The following ITGB4 variants were observed in gnomAD, a reference collection of about 807,000 sequenced individuals.
The protein encoded by ITGB4 is integrin beta-4.
Under a neutral mutation model 207.6 loss-of-function variants are expected in ITGB4, and 159 were observed. That is an observed-to-expected ratio of 0.77 (90% confidence interval 0.67 to 0.87). The LOEUF is 0.87. Ranked by LOEUF, ITGB4 falls within the 40% of genes least tolerant of loss-of-function variation. The pLI is 0.00. For synonymous variants in ITGB4, 1,020 were observed against 1,062.7 expected, an observed-to-expected ratio of 0.96 and a Z score of 0.78; for missense variants, 2,278 against 2,546.8, an observed-to-expected ratio of 0.89 and a Z score of 2.27.
intron 27 of ITGB4, 150 bp from the exon 28 acceptor site, chr17:75,749,960 TG>T: frequency 1.0e-6 from 1 of 961,262 alleles, no homozygotes; most frequent in Non-Finnish European, 1.7e-6. Flanking sequence ...GTGGCAGCAA[TG>T]GGGCACCACC....
Position 75,722,757 on chromosome 17 carries a change from C to CTG in ITGB4, c.-11+1179_-11+1180dup, listed in dbSNP as rs55981241. ...GAGCCTGTGGGTGGGTGGGCATGGC[C>CTG]TGTGTGTGTGTGTGTGTGTGTGTGT... On this transcript the variant is annotated intron_variant, in intron 1 of 39. Transcript: ENST00000200181. This position sits in a 1 kb window ranked among gnomAD's most constrained non-coding sequence, Gnocchi z 6.2. Among the ~76,000 whole-genome samples the CTG allele has an allele frequency of 0.038, 5,094 of 134,706 alleles. 103 individuals are homozygous for CTG. Among genetic ancestry groups the CTG allele is most frequent in the Middle Eastern group, 0.049 (13 of 264 alleles). 88.4% of individuals were successfully genotyped at this position (134,706 alleles called of 152,430 possible).
At chr17:75,736,235 G>T (rs1274773171) in intron 14 of ITGB4, 53 bp from the exon 15 acceptor site, 1 of 1,603,172 alleles carries the variant, frequency 6.2e-7, no homozygotes, top group Non-Finnish European at 8.5e-7. Flanking sequence ...AGAGGAGAGG[G>T]AGCAGGCAGG....
intron 2 of ITGB4, among the ~76,000 whole-genome samples, chr17:75,726,671 G>A (rs1277954100): frequency 1.3e-5 from 2 of 152,158 alleles, no homozygotes; most frequent in African/African-American, 2.4e-5. Flanking sequence ...GGCGGAGGTT[G>A]AAGTGAGCTG....
Position 75,743,905 on chromosome 17 carries a change from C to T in ITGB4, c.3111+44C>T, listed in dbSNP as rs200205237. On this transcript the variant is annotated intron_variant, in intron 26 of 39. Transcript: ENST00000200181. The stretch of plus-strand genomic sequence containing the variant: ...GTCGAGGGTGCAGCCCGGGGGGCTG[C>T]GTGGGCACCGCATTGGGTTCCCAAG... 4.8e-4 allele frequency: 744 copies of T among 1,540,912 alleles called. 3 individuals carry two copies. In the African/African-American group the frequency reaches 8.6e-3, roughly 18 times the overall value.
At chr17:75,745,580 A>G (rs1890401687) in intron 26 of ITGB4, among the ~76,000 whole-genome samples, 2 of 151,930 alleles carry the variant, frequency 1.3e-5, no homozygotes, top group Admixed American at 6.6e-5. Flanking sequence ...TTTTAAAAAA[A>G]TAATAATAAT....
At position 75,756,690 on chromosome 17, in the gene ITGB4, T is replaced by C; in HGVS notation, c.4898-14T>C. The stretch of plus-strand genomic sequence containing the variant: ...CCCACCCACAGGCTGATGCTCTTCC[T>C]CTACTGCCCCCAGGCTCCGCCTTCA... On this transcript the variant is annotated splice_polypyrimidine_tract_variant and intron_variant, in intron 36 of 39. Transcript: ENST00000200181. 6.2e-7 allele frequency: 1 copy of C among 1,613,224 alleles called. No homozygotes were observed. Among genetic ancestry groups the C allele is most frequent in the African/African-American group, 1.3e-5 (1 of 74,940 alleles).
At chr17:75,752,009 C>T (rs577529944) in intron 30 of ITGB4, among the ~76,000 whole-genome samples, 165 bp from the exon 31 acceptor site, 3 of 152,326 alleles carry the variant, frequency 2.0e-5, no homozygotes, top group East Asian at 1.9e-4. Context: ...GTCATGCTGA[C>T]GCTCAGGGCT....
rs771612802 is a variant in ITGB4 at position 75,756,518 on chromosome 17, G to A, written c.4798G>A (p.Val1600Met). The change falls in exon 36 of 40, where the codon GTG becomes ATG. Residue 1600 changes from valine (V) to methionine (M), a missense_variant. Physicochemically the swap from Val to Met is conservative, Grantham distance 21 (BLOSUM62 1). Coordinates refer to ENST00000200181, the MANE Select transcript of ITGB4 (RefSeq NM_000213.5). ...GCCCAACCACTCCTACGTGTTCCGC[G>A]TGCGGGCCCAGAGCCAGGAAGGCTG... ...LLPNHSYVFR[V>M]RAQSQEGWGR... The A allele has an allele frequency of 1.1e-5, 18 of 1,613,214 alleles. No homozygotes were observed. Among genetic ancestry groups the A allele is most frequent in the East Asian group, 4.5e-5 (2 of 44,898 alleles).
Position 75,740,248 on chromosome 17 carries a change from G to T in ITGB4, c.2447-110G>T. 1.6e-6 allele frequency: 2 copies of T among 1,254,202 alleles called. No individual in the cohort carries two copies. Among genetic ancestry groups the T allele is most frequent in the Non-Finnish European group, 2.3e-6 (2 of 881,578 alleles). 77.7% of individuals were successfully genotyped at this position (1,254,202 alleles called of 1,614,324 possible). On this transcript the variant is annotated intron_variant, in intron 20 of 39. Coordinates refer to ENST00000200181, the MANE Select transcript of ITGB4 (RefSeq NM_000213.5). The surrounding 1 kb of genome is among the most constrained non-coding windows in gnomAD (Gnocchi z 5.9). ...CATGCCTCGGTGTGCGTGGCCTGCT[G>T]GCCAGGCATCCCCTGATCCTAGCAT...
chr17:75,747,718 T>G (rs1464307913), intron 26 of ITGB4, among the ~76,000 whole-genome samples: 1 of 152,162 alleles, frequency 6.6e-6, no homozygotes, highest in Non-Finnish European at 1.5e-5. Flanking sequence ...TGGAGTACAG[T>G]GCCTCACTGC....
Position 75,729,201 on chromosome 17 carries a change from G to T in ITGB4, c.567-64G>T. On this transcript the variant is annotated intron_variant, in intron 6 of 39. Transcript: ENST00000200181. The surrounding 1 kb of genome is among the most constrained non-coding windows in gnomAD (Gnocchi z 4.4). ...TTCTCCTTCTAGTTGAAACGAGCCA[G>T]GGGCACTGGGGTCTGCGGCGTCTTC... The T allele has an allele frequency of 6.7e-7, 1 of 1,489,670 alleles. No individual in the cohort carries two copies. 92.3% of individuals were successfully genotyped at this position (1,489,670 alleles called of 1,614,324 possible).
At chr17:75,724,512 G>T (rs1176902391) in intron 1 of ITGB4, among the ~76,000 whole-genome samples, 182 bp from the exon 2 acceptor site, 1 of 152,276 alleles carries the variant, frequency 6.6e-6, no homozygotes, top group Non-Finnish European at 1.5e-5. Context: ...GGGATGGCAC[G>T]GAACAGGGCA....
intron 30 of ITGB4, chr17:75,751,507 T>C (rs2061366436): frequency 3.4e-6 from 1 of 291,790 alleles, no homozygotes; most frequent in Non-Finnish European, 6.7e-6. Flanking sequence ...ATTTTGTACA[T>C]TGAGAGGCCG....
chr17:75,725,605 C>T (rs769542229), intron 2 of ITGB4, among the ~76,000 whole-genome samples: 24 of 152,184 alleles, frequency 1.6e-4, no homozygotes, highest in Non-Finnish European at 2.6e-4. Flanking sequence ...TGAGCCATCG[C>T]ACTGGCCACC....
In ITGB4 at chr17:75,739,393, A is replaced by G. The variant is rs1164540283; in HGVS notation, c.2221-279A>G. Among the ~76,000 whole-genome samples the G allele has an allele frequency of 6.6e-6, 1 of 152,160 alleles. No individual in the cohort carries two copies. Among genetic ancestry groups the G allele is most frequent in the African/African-American group, 2.4e-5 (1 of 41,432 alleles). Reference sequence around the variant, plus strand: ...CTAACCTGCAAGAGGGGCATGGGGAATGAATTCAGTGCTTCCCAAGTGAAC... The same window carrying G: ...CTAACCTGCAAGAGGGGCATGGGGAGTGAATTCAGTGCTTCCCAAGTGAAC... On this transcript the variant is annotated intron_variant, in intron 18 of 39. Coordinates refer to ENST00000200181, the MANE Select transcript of ITGB4 (RefSeq NM_000213.5). The surrounding 1 kb of genome is among the most constrained non-coding windows in gnomAD (Gnocchi z 5.4).
At chr17:75,747,467 A>G (rs955760755) in intron 26 of ITGB4, among the ~76,000 whole-genome samples, 18 of 152,194 alleles carry the variant, frequency 1.2e-4, no homozygotes, top group African/African-American at 4.3e-4. Flanking sequence ...CAAAAGAGCA[A>G]AACTCCATCC....
At chr17:75,723,911 T>C (rs1045824689) in intron 1 of ITGB4, among the ~76,000 whole-genome samples, 2 of 152,244 alleles carry the variant, frequency 1.3e-5, no homozygotes, top group African/African-American at 4.8e-5. Flanking sequence ...GCCTCAGGGA[T>C]GTCCAGTCCT....
In ITGB4 at chr17:75,730,968, A is replaced by C. The variant is rs1010692580; in HGVS notation, c.1092+4A>C. On this transcript the variant is annotated splice_donor_region_variant and intron_variant, in intron 9 of 39. Coordinates refer to ENST00000200181, the MANE Select transcript of ITGB4 (RefSeq NM_000213.5). ...GCTGCTGGAGGAGGCCTTCAATGTGAGGGCAGCTCAGGCTCCAGAGTCTGA... is the reference window on the plus strand; with the variant it reads ...GCTGCTGGAGGAGGCCTTCAATGTGCGGGCAGCTCAGGCTCCAGAGTCTGA... 2 of 1,611,690 alleles carry C rather than the reference A, an allele frequency of 1.2e-6. No individual in the cohort carries two copies. The highest frequency in any genetic ancestry group is 2.7e-5 in the African/African-American group (2 of 74,848).
In ITGB4 at chr17:75,755,855, G is replaced by A. The variant is rs2061486620; in HGVS notation, c.4708+5G>A. ...AGTACCAGCTGCTGAACGGCGGTGA[G>A]GCATGGTGGCTGCCAGGCTGCGGGG... On this transcript the variant is annotated splice_donor_5th_base_variant and intron_variant, in intron 35 of 39. Coordinates refer to ENST00000200181, the MANE Select transcript of ITGB4 (RefSeq NM_000213.5). The A allele has an allele frequency of 1.2e-6, 2 of 1,601,668 alleles. No homozygotes were observed. Among genetic ancestry groups the A allele is most frequent in the Non-Finnish European group, 1.7e-6 (2 of 1,179,536 alleles).
Sources: allele counts gnomAD v4.1 joint callset (sites outside exome capture counted in the v4.1 genomes callset), GRCh38; gene constraint gnomAD v4.1.1; non-coding constraint Gnocchi (gnomAD v3.1); transcripts MANE v1.5; gene names NCBI Gene and HGNC (gene_info 2026-07-23, HGNC 2026-07-21).